Variants in ADARB2 observed in about 807,000 individuals in gnomAD.
ADARB2 encodes adenosine deaminase RNA specific B2 (inactive), also known as inactive double-stranded RNA-specific editase B2.
In ADARB2, 25 loss-of-function variants were observed where a neutral mutation model predicts 62.2. That is an observed-to-expected ratio of 0.40 (90% CI 0.29 to 0.56). The LOEUF (loss-of-function observed/expected upper bound fraction) is 0.56, where lower values mean the gene tolerates loss of function less well. Among genes scored for constraint, ADARB2 ranks in the 20% least tolerant of loss-of-function variants. The probability of loss-of-function intolerance (pLI) is 0.43; values close to 1 mark genes in which losing one functional copy is unlikely to be tolerated. For missense variants in ADARB2, 1,071 were observed against 1,077.4 expected (o/e 0.99, Z 0.08); for synonymous variants, 572 against 500.8 (o/e 1.14, Z -1.90).
chr10:1,426,879 TG>T lies in ADARB2; in HGVS notation c.101-47720del, dbSNP rs1330151056. On this transcript the variant is annotated intron_variant, in intron 1 of 9. Coordinates refer to ENST00000381312, the MANE Select transcript of ADARB2 (RefSeq NM_018702.4). This position sits in a 1 kb window ranked among gnomAD's most constrained non-coding sequence, Gnocchi z 4.1. ...CAGCTTTGTGTTGGACAAAACACAG[TG>T]GGGACAGGAACCTAAAGCAGTTGTG... Among the ~76,000 whole-genome samples the T allele has an allele frequency of 1.3e-5, 2 of 152,188 alleles. No homozygotes were observed. Among genetic ancestry groups the T allele is most frequent in the African/African-American group, 4.8e-5 (2 of 41,442 alleles).
chr10:1,223,421 C>T (rs1484315971), intron 6 of ADARB2, among the ~76,000 whole-genome samples: 1 of 152,088 alleles, frequency 6.6e-6, no homozygotes, highest in East Asian at 1.9e-4. Context: ...CTTCTCCTGC[C>T]TGATTGCCCT....
At chr10:1,518,172 CA>C (rs1386351118) in intron 1 of ADARB2, among the ~76,000 whole-genome samples, 1 of 152,200 alleles carries the variant, frequency 6.6e-6, no homozygotes, top group Non-Finnish European at 1.5e-5. Context: ...ACTCCCCGAT[CA>C]GATCAGAAGA....
intron 1 of ADARB2, among the ~76,000 whole-genome samples, chr10:1,678,733 G>A (rs375698103): frequency 2.6e-5 from 4 of 152,100 alleles, no homozygotes; most frequent in Non-Finnish European, 4.4e-5. Flanking sequence ...GAGTTTGCCC[G>A]AGGTGCAGCT....
chr10:1,573,017 G>C (rs1422756352), intron 1 of ADARB2, among the ~76,000 whole-genome samples: 1 of 152,270 alleles, frequency 6.6e-6, no homozygotes, highest in Non-Finnish European at 1.5e-5. Flanking sequence ...CAGCCTGTGA[G>C]AGGGTTGGCT....
intron 3 of ADARB2, chr10:1,292,081 G>A (rs909000088): frequency 3.3e-5 from 5 of 152,290 alleles, no homozygotes; most frequent in Admixed American, 6.5e-5. Context: ...CACTATCGGC[G>A]TGCGTGTGTT....
intron 1 of ADARB2, among the ~76,000 whole-genome samples, chr10:1,718,638 C>T (rs1360641919): frequency 2.6e-5 from 4 of 152,212 alleles, no homozygotes; most frequent in Non-Finnish European, 4.4e-5. Flanking sequence ...GCTGGCAACA[C>T]GGCTCTGAGC....
At chr10:1,721,141 T>G (rs1272807511) in intron 1 of ADARB2, among the ~76,000 whole-genome samples, 1 of 152,188 alleles carries the variant, frequency 6.6e-6, no homozygotes, top group Non-Finnish European at 1.5e-5. Context: ...TTGGCCTTCC[T>G]CTGCTTGAGG....
chr10:1,464,439 A>AGC lies in ADARB2; in HGVS notation c.101-85280_101-85279insGC, dbSNP rs1588267944. Among the ~76,000 whole-genome samples the AGC allele has an allele frequency of 2.5e-4, 28 of 113,088 alleles. 5 individuals carry two copies. The highest frequency in any genetic ancestry group is 8.0e-4 in the East Asian group (3 of 3,730). The allele number at this position is 113,088 out of a possible 152,430, so 74.2% of individuals were successfully genotyped here. A position where few individuals can be genotyped will look rare whatever the true frequency, so the allele number is the denominator to read the frequency against. On this transcript the variant is annotated intron_variant, in intron 1 of 9. Coordinates refer to ENST00000381312, the MANE Select transcript of ADARB2 (RefSeq NM_018702.4). ...CGCGCGGGGGCCAGTCACAGCGGGC[A>AGC]GTGCACCGGAGAAGAGGGTGGACAC...
At chr10:1,479,228 G>A (rs1831438851) in intron 1 of ADARB2, among the ~76,000 whole-genome samples, 1 of 152,212 alleles carries the variant, frequency 6.6e-6, no homozygotes, top group African/African-American at 2.4e-5. Flanking sequence ...CAGAGGGACT[G>A]TTTGGAGTGA....
chr10:1,425,956 G>A (rs1351484354), intron 1 of ADARB2, among the ~76,000 whole-genome samples: 3 of 152,224 alleles, frequency 2.0e-5, no homozygotes, highest in Admixed American at 1.3e-4. Flanking sequence ...ACGTGGAGCT[G>A]AGCGGGTGAG....
intron 3 of ADARB2, among the ~76,000 whole-genome samples, chr10:1,341,735 G>T (rs1490228519): frequency 6.6e-6 from 1 of 151,106 alleles, no homozygotes; most frequent in Non-Finnish European, 1.5e-5. Context: ...GCCCCACAGC[G>T]GCGATAACCA....
At chr10:1,654,710 A>G (rs1365997070) in intron 1 of ADARB2, among the ~76,000 whole-genome samples, 1 of 152,182 alleles carries the variant, frequency 6.6e-6, no homozygotes, top group Non-Finnish European at 1.5e-5. Context: ...CAGAGGGTGG[A>G]GTGGGCATTT....
intron 3 of ADARB2, among the ~76,000 whole-genome samples, chr10:1,360,464 G>C (rs1407439007): frequency 6.6e-6 from 1 of 152,156 alleles, no homozygotes. Context: ...CCATGAAGTA[G>C]AGACAGGGTT....
chr10:1,675,924 TCA>T, intron 1 of ADARB2: 1 of 889,530 alleles, frequency 1.1e-6, no homozygotes, highest in African/African-American at 1.8e-5. Context: ...TCCGCGTGGG[TCA>T]GAGTTGAATC....
At chr10:1,651,919 G>A (rs1443109010) in intron 1 of ADARB2, among the ~76,000 whole-genome samples, 6 of 152,176 alleles carry the variant, frequency 3.9e-5, no homozygotes, top group African/African-American at 1.4e-4. Flanking sequence ...CACTGGTCCA[G>A]CTTACACAAA....
chr10:1,315,883 T>G (rs1831734701), intron 3 of ADARB2, among the ~76,000 whole-genome samples: 1 of 152,278 alleles, frequency 6.6e-6, no homozygotes, highest in Admixed American at 6.5e-5. Flanking sequence ...TTAAAATGTC[T>G]TGAATACATT....
chr10:1,462,805 ATGTG>A (rs564147213), intron 1 of ADARB2, among the ~76,000 whole-genome samples: 121 of 151,662 alleles, frequency 8.0e-4, no homozygotes, highest in African/African-American at 2.8e-3. Context: ...GTGTATGTAC[ATGTG>A]TGTGTCTGTG....
At chr10:1,458,796 G>A (rs1159444606) in intron 1 of ADARB2, among the ~76,000 whole-genome samples, 1 of 152,180 alleles carries the variant, frequency 6.6e-6, no homozygotes, top group Admixed American at 6.5e-5. Flanking sequence ...TTTTCCTCAT[G>A]TGTACATTTC....
intron 1 of ADARB2, among the ~76,000 whole-genome samples, chr10:1,669,996 T>G (rs576304694): frequency 6.6e-6 from 1 of 152,226 alleles, no homozygotes; most frequent in East Asian, 1.9e-4. Context: ...GAAGAAACCA[T>G]TCACGTGTGG....
Sources: allele counts gnomAD v4.1 joint callset (sites outside exome capture counted in the v4.1 genomes callset), GRCh38; gene constraint gnomAD v4.1.1; non-coding constraint Gnocchi (gnomAD v3.1); transcripts MANE v1.5; gene names NCBI Gene and HGNC (gene_info 2026-07-23, HGNC 2026-07-21).